Variants in TNFSF4 observed in about 807,000 individuals in gnomAD.
TNFSF4 encodes the protein TNF superfamily member 4, also known as tumor necrosis factor ligand superfamily member 4.
A neutral mutation model predicts 7.3 loss-of-function variants in TNFSF4; 4 were observed. The ratio of observed to expected loss-of-function variants is 0.55; its 90% CI spans 0.27 to 1.25. The LOEUF is 1.25. Among genes scored for constraint, TNFSF4 ranks in the 50% most tolerant of loss-of-function variants. The pLI, the probability that TNFSF4 is intolerant of heterozygous loss-of-function variation, is 0.12. For missense variants in TNFSF4, 181 were observed against 208.8 expected (o/e 0.87, Z 0.82); for synonymous variants, 76 against 83.7 (o/e 0.91, Z 0.50).
chr1:173,300,679 A>T, the TNFSF4 span, among the ~76,000 whole-genome samples: 1 of 151,842 alleles, frequency 6.6e-6, no homozygotes, highest in Non-Finnish European at 1.5e-5. Context: ...CCCAAAAAAT[A>T]AACAAAATCA....
At chr1:173,371,833 G>A in the TNFSF4 span, among the ~76,000 whole-genome samples, 120,564 of 152,010 alleles carry the variant, frequency 0.79, 48,106 homozygotes, top group East Asian at 0.91. Flanking sequence ...ATGAATTCTG[G>A]CTCCCAGTTC....
chr1:173,250,485 A>C, the TNFSF4 span, among the ~76,000 whole-genome samples: 10 of 143,816 alleles, frequency 7.0e-5, no homozygotes, highest in Admixed American at 7.1e-4. Context: ...TTTGAGACGG[A>C]GTCTCGCTCT....
chr1:173,184,856 T>C lies in TNFSF4; in HGVS notation c.*1660A>G, dbSNP rs973007858. The C allele has an allele frequency of 6.7e-6, 1 of 149,820 alleles. No individual in the cohort carries two copies. Among genetic ancestry groups the C allele is most frequent in the Non-Finnish European group, 1.5e-5 (1 of 67,496 alleles). 9.3% of individuals were successfully genotyped at this position (149,820 alleles called of 1,614,324 possible). ...GCCCTCCATAAATATTTAGCCATGA[T>C]TATGATTCTGTGAGTGCCTTGGCAG... On this transcript the variant is annotated 3_prime_UTR_variant, in exon 3 of 3. Transcript: ENST00000281834.
At chr1:173,444,580 CAT>C in the TNFSF4 span, among the ~76,000 whole-genome samples, 1 of 151,680 alleles carries the variant, frequency 6.6e-6, no homozygotes, top group African/African-American at 2.4e-5. Context: ...TAAAGGAAAA[CAT>C]ATACCTTCAT....
chr1:173,447,304 T>C, the TNFSF4 span, among the ~76,000 whole-genome samples: 2 of 152,216 alleles, frequency 1.3e-5, no homozygotes, highest in African/African-American at 2.4e-5. Context: ...GATACTATAA[T>C]GGTGGCTATA....
intron 1 of TNFSF4, among the ~76,000 whole-genome samples, chr1:173,189,701 AAAT>A (rs1649392887): frequency 6.6e-6 from 1 of 152,230 alleles, no homozygotes. Flanking sequence ...CATTTGTGTT[AAAT>A]AATAATAATA....
At chr1:173,293,086 A>C in the TNFSF4 span, among the ~76,000 whole-genome samples, 83 of 152,238 alleles carry the variant, frequency 5.5e-4, no homozygotes, top group South Asian at 4.6e-3. Flanking sequence ...TTACTGATTT[A>C]ATAGTATTCA....
the TNFSF4 span, among the ~76,000 whole-genome samples, chr1:173,279,826 AAC>A: frequency 1.3e-5 from 2 of 152,150 alleles, no homozygotes; most frequent in Non-Finnish European, 2.9e-5. Context: ...CACCCTTGAC[AAC>A]ATTTAGTGCA....
the TNFSF4 span, among the ~76,000 whole-genome samples, chr1:173,429,724 T>C: frequency 1.3e-5 from 2 of 152,206 alleles, no homozygotes; most frequent in African/African-American, 4.8e-5. Flanking sequence ...TTTAGTGGGT[T>C]TAGTTTTTAA....
the TNFSF4 span, among the ~76,000 whole-genome samples, chr1:173,263,657 G>A: frequency 6.6e-6 from 1 of 152,178 alleles, no homozygotes; most frequent in Non-Finnish European, 1.5e-5. Flanking sequence ...CTGTTACTCT[G>A]TCATGGAGAA....
rs1024543718 is a variant in TNFSF4 at position 173,192,454 on chromosome 1, A to G, written c.154-3885T>C. 3.3e-5 allele frequency among the ~76,000 whole-genome samples: 5 copies of G among 152,216 alleles called. No individual in the cohort carries two copies. The South Asian group carries it at 1.0e-3, about 31-fold the overall frequency. The stretch of plus-strand genomic sequence containing the variant: ...TAAATGCATATTATTATACAAGAGA[A>G]GCCAATCTGAAAACGGTATATACTG... On this transcript the variant is annotated intron_variant, in intron 1 of 2. Transcript: ENST00000281834.
chr1:173,214,630 A>G, the TNFSF4 span, among the ~76,000 whole-genome samples: 2 of 152,266 alleles, frequency 1.3e-5, no homozygotes, highest in Non-Finnish European at 1.5e-5. Flanking sequence ...AAGAAAGTTT[A>G]TAAGTTTGTG....
chr1:173,356,113 G>A, the TNFSF4 span, among the ~76,000 whole-genome samples: 2 of 152,216 alleles, frequency 1.3e-5, no homozygotes, highest in Non-Finnish European at 2.9e-5. Context: ...CATTTTGTGA[G>A]AAAAATAAGG....
At chr1:173,260,065 GA>G in the TNFSF4 span, among the ~76,000 whole-genome samples, 5 of 152,076 alleles carry the variant, frequency 3.3e-5, no homozygotes, top group South Asian at 1.0e-3. Context: ...CAAAATGAAG[GA>G]AAAAATGTTA....
At chr1:173,425,609 T>C in the TNFSF4 span, among the ~76,000 whole-genome samples, 1 of 152,194 alleles carries the variant, frequency 6.6e-6, no homozygotes, top group Non-Finnish European at 1.5e-5. Context: ...TGAATCTGTT[T>C]GGGACACAGC....
the TNFSF4 span, among the ~76,000 whole-genome samples, chr1:173,334,245 G>T: frequency 6.6e-6 from 1 of 152,116 alleles, no homozygotes; most frequent in Admixed American, 6.5e-5. Flanking sequence ...AGGACTGATA[G>T]TCCATAGCAT....
At chr1:173,292,013 A>G in the TNFSF4 span, among the ~76,000 whole-genome samples, 4 of 152,006 alleles carry the variant, frequency 2.6e-5, no homozygotes, top group Admixed American at 2.0e-4. Context: ...CAACAAAAAA[A>G]AAACCTAAAC....
At chr1:173,364,239 A>ATATATATATG in the TNFSF4 span, among the ~76,000 whole-genome samples, 1 of 149,606 alleles carries the variant, frequency 6.7e-6, no homozygotes, top group African/African-American at 2.4e-5. Context: ...ATATATATAT[A>ATATATATATG]TATGTACTGA....
At chr1:173,232,117 G>A in the TNFSF4 span, among the ~76,000 whole-genome samples, 25 of 152,124 alleles carry the variant, frequency 1.6e-4, no homozygotes, top group Non-Finnish European at 2.2e-4. Flanking sequence ...ATGTTCTTCC[G>A]TTTGCTTGTG....
Sources: allele counts gnomAD v4.1 joint callset (sites outside exome capture counted in the v4.1 genomes callset), GRCh38; gene constraint gnomAD v4.1.1; transcripts MANE v1.5; gene names NCBI Gene and HGNC (gene_info 2026-07-23, HGNC 2026-07-21).